Variants in PCGF5 observed in about 807,000 individuals in gnomAD.
PCGF5 encodes polycomb group ring finger 5.
In PCGF5, 9 loss-of-function variants were observed where a neutral mutation model predicts 44.3. That is an observed-to-expected ratio of 0.20 (90% CI 0.12 to 0.35). PCGF5 has a LOEUF of 0.35. Among genes scored for constraint, PCGF5 ranks in the 10% least tolerant of loss-of-function variants. PCGF5 has a pLI of 1.00. For synonymous variants in PCGF5, 95 were observed against 102.5 expected (o/e 0.93, Z 0.44); for missense variants, 146 against 305.3 (o/e 0.48, Z 3.89).
chr10:91,252,122 CA>C (rs1327909254), intron 6 of PCGF5, among the ~76,000 whole-genome samples: 6 of 151,988 alleles, frequency 3.9e-5, no homozygotes, highest in African/African-American at 1.2e-4. Context: ...CTTTTTATTA[CA>C]AGCAGCTTTT....
chr10:91,256,612 A>C (rs957331519), intron 6 of PCGF5, among the ~76,000 whole-genome samples: 2 of 152,106 alleles, frequency 1.3e-5, no homozygotes, highest in African/African-American at 4.8e-5. Flanking sequence ...TTCAGGTATG[A>C]TAAATTCAAA....
chr10:91,216,403 A>G (rs542767883), upstream of PCGF5, among the ~76,000 whole-genome samples: 7 of 152,278 alleles, frequency 4.6e-5, no homozygotes, highest in Non-Finnish European at 8.8e-5. Context: ...AAAGAGGTAC[A>G]TTATGGCTGG....
intron 1 of PCGF5, among the ~76,000 whole-genome samples, chr10:91,200,961 A>G (rs567957230): frequency 1.3e-5 from 2 of 152,258 alleles, no homozygotes; most frequent in East Asian, 3.9e-4. Flanking sequence ...GTCAGGTGGG[A>G]GAATGGTCAG....
chr10:91,156,937 TAA>T, the PCGF5 span, among the ~76,000 whole-genome samples: 1 of 152,346 alleles, frequency 6.6e-6, no homozygotes, highest in East Asian at 1.9e-4. Flanking sequence ...TATTTCCATG[TAA>T]CAGAATGGTG....
At chr10:91,168,923 G>A (rs1055126200) in intron 1 of PCGF5, among the ~76,000 whole-genome samples, 15 of 89,612 alleles carry the variant, frequency 1.7e-4, no homozygotes, top group Admixed American at 4.6e-4. Flanking sequence ...GTGAGACTCC[G>A]TCTCAGAAAA....
chr10:91,264,569 T>C, intron 8 of PCGF5, 49 bp downstream of exon 8: 1 of 1,338,292 alleles, frequency 7.5e-7, no homozygotes, highest in Non-Finnish European at 1.0e-6. Context: ...TATATACCAT[T>C]ATGTTACTCA....
chr10:91,268,738 A>G (rs976278773), intron 8 of PCGF5, among the ~76,000 whole-genome samples: 1 of 152,168 alleles, frequency 6.6e-6, no homozygotes, highest in Non-Finnish European at 1.5e-5. Flanking sequence ...TTTCACCTGC[A>G]CCATACATAC....
chr10:91,282,100 GAA>G lies in PCGF5; in HGVS notation c.*3787_*3788del, dbSNP rs1434675458. The G allele has an allele frequency of 6.6e-6, 1 of 152,176 alleles. No individual in the cohort carries two copies. The highest frequency in any genetic ancestry group is 1.5e-5 in the Non-Finnish European group (1 of 68,034). 9.4% of individuals were successfully genotyped at this position (152,176 alleles called of 1,614,324 possible). A position where few individuals can be genotyped will look rare whatever the true frequency, so the allele number is the denominator to read the frequency against. On this transcript the variant is annotated 3_prime_UTR_variant, in exon 10 of 10. Transcript: ENST00000336126. Reference sequence around the variant, plus strand: ...AAGTGCCAACACACTTACTTGTATAGAAAAGACTTCATTCTATGGGATTTATA... The same window carrying G: ...AAGTGCCAACACACTTACTTGTATAGAAGACTTCATTCTATGGGATTTATA...
At chr10:91,211,255 C>A (rs1422544987) in intron 1 of PCGF5, among the ~76,000 whole-genome samples, 1 of 152,158 alleles carries the variant, frequency 6.6e-6, no homozygotes, top group Non-Finnish European at 1.5e-5. Flanking sequence ...CACAGAAATG[C>A]ATACTTTGTT....
intron 1 of PCGF5, among the ~76,000 whole-genome samples, chr10:91,213,429 G>A (rs1462609822): frequency 1.3e-5 from 2 of 151,896 alleles, no homozygotes; most frequent in East Asian, 3.9e-4. Context: ...GTATGTTTCT[G>A]TACTTTGTTC....
At chr10:91,265,532 TAAAA>T (rs68030127) in intron 8 of PCGF5, among the ~76,000 whole-genome samples, 1 of 150,480 alleles carries the variant, frequency 6.6e-6, no homozygotes, top group East Asian at 1.9e-4. Flanking sequence ...ATGTAAATCA[TAAAA>T]AAAAACAAAA....
chr10:91,262,262 C>A (rs1243198292), intron 7 of PCGF5, among the ~76,000 whole-genome samples: 1 of 151,950 alleles, frequency 6.6e-6, no homozygotes, highest in African/African-American at 2.4e-5. Context: ...CCTGTGTGTT[C>A]TAAAAATATA....
chr10:91,271,504 T>G, intron 8 of PCGF5, 134 bp from the exon 9 acceptor site: 1 of 637,044 alleles, frequency 1.6e-6, no homozygotes, highest in Non-Finnish European at 2.5e-6. Context: ...CAACCACCAT[T>G]TTTTTGGAAA....
At chr10:91,166,553 T>A (rs537607124) in intron 1 of PCGF5, among the ~76,000 whole-genome samples, 3 of 152,302 alleles carry the variant, frequency 2.0e-5, no homozygotes, top group East Asian at 3.9e-4. Context: ...AGTTTTTTTT[T>A]AAAGTCTTAA....
chr10:91,245,637 G>C (rs1223173375), intron 3 of PCGF5, among the ~76,000 whole-genome samples: 2 of 152,156 alleles, frequency 1.3e-5, no homozygotes, highest in Non-Finnish European at 2.9e-5. Context: ...CAGCCTAAGA[G>C]GAGACACTGG....
chr10:91,192,078 T>A (rs2133214370), intron 1 of PCGF5, among the ~76,000 whole-genome samples: 1 of 152,330 alleles, frequency 6.6e-6, no homozygotes, highest in South Asian at 2.1e-4. Context: ...TTTTTCTTTA[T>A]AGTTTTGTCA....
intron 1 of PCGF5, among the ~76,000 whole-genome samples, chr10:91,212,308 G>A (rs1844467420): frequency 6.6e-6 from 1 of 152,114 alleles, no homozygotes; most frequent in Admixed American, 6.5e-5. Context: ...AAGAAGGCAC[G>A]GGAAGATACA....
upstream of PCGF5, among the ~76,000 whole-genome samples, chr10:91,162,782 G>A (rs1843409378): frequency 6.6e-6 from 1 of 151,140 alleles, no homozygotes; most frequent in African/African-American, 2.4e-5. Flanking sequence ...CAATCAGGGA[G>A]TGCGGGCTGT....
At chr10:91,264,548 GTTTA>G (rs774913327) in intron 8 of PCGF5, 28 bp downstream of exon 8, 10 of 1,487,840 alleles carry the variant, frequency 6.7e-6, no homozygotes, top group Middle Eastern at 1.7e-4. Context: ...TTACCTATGT[GTTTA>G]TTTAGTTATA....
Sources: allele counts gnomAD v4.1 joint callset (sites outside exome capture counted in the v4.1 genomes callset), GRCh38; gene constraint gnomAD v4.1.1; transcripts MANE v1.5; gene names NCBI Gene and HGNC (gene_info 2026-07-23, HGNC 2026-07-21).